The following IL17RD variants were observed in gnomAD, a reference collection of about 807,000 sequenced individuals.
IL17RD encodes interleukin-17 receptor D.
In IL17RD, 52 loss-of-function variants were observed where a neutral mutation model predicts 80.5. The ratio of observed to expected loss-of-function variants is 0.65; its 90% CI spans 0.52 to 0.81. The LOEUF (loss-of-function observed/expected upper bound fraction) is 0.81. Among genes scored for constraint, IL17RD ranks in the 40% least tolerant of loss-of-function variants. IL17RD has a pLI of 0.00. For synonymous variants in IL17RD, 416 were observed against 391.8 expected, an observed-to-expected ratio of 1.06 and a Z score of -0.73; for missense variants, 1,024 against 955.1, an observed-to-expected ratio of 1.07 and a Z score of -0.95.
At chr3:57,131,961 G>A (rs936964595) in intron 1 of IL17RD, among the ~76,000 whole-genome samples, 4 of 152,238 alleles carry the variant, frequency 2.6e-5, no homozygotes, top group Admixed American at 6.5e-5. Context: ...GGAGGCCAGC[G>A]GATTGCTTGA....
intron 12 of IL17RD, among the ~76,000 whole-genome samples, chr3:57,097,231 G>A (rs1706698521): frequency 6.6e-6 from 1 of 152,138 alleles, no homozygotes; most frequent in East Asian, 1.9e-4. Context: ...CGGGGGGTGT[G>A]AACATTACAG....
In IL17RD at chr3:57,094,556, G is replaced by A. The variant is rs1306362393; in HGVS notation, c.*1837C>T. ...GATGCCTTATTTCATGAACAAAGCT[G>A]AATACCCTAAAAGCGACTCCTAATG... On this transcript the variant is annotated 3_prime_UTR_variant, in exon 13 of 13. Transcript: ENST00000296318. 1 of 152,030 alleles carries A rather than the reference G, an allele frequency of 6.6e-6. No individual in the cohort carries two copies. The highest frequency in any genetic ancestry group is 1.5e-5 in the Non-Finnish European group (1 of 68,024). 9.4% of individuals were successfully genotyped at this position (152,030 alleles called of 1,614,324 possible).
chr3:57,160,552 T>G (rs368108548), intron 1 of IL17RD, among the ~76,000 whole-genome samples: 1 of 151,998 alleles, frequency 6.6e-6, no homozygotes, highest in Non-Finnish European at 1.5e-5. Context: ...GAGGCACCCA[T>G]CCAAACTAGC....
chr3:57,139,239 A>T (rs1707785773), intron 1 of IL17RD, among the ~76,000 whole-genome samples: 1 of 152,180 alleles, frequency 6.6e-6, no homozygotes, highest in African/African-American at 2.4e-5. Flanking sequence ...TAGGGCACGC[A>T]TGGAGGAAAA....
chr3:57,165,198 G>C lies in IL17RD; in HGVS notation c.89C>G (p.Ser30Cys). Residue 30 changes from serine (S) to cysteine (C), a missense_variant, in exon 1 of 13, where the codon TCC becomes TGC. By Grantham distance (112) the Ser-to-Cys change is moderately radical (BLOSUM62 -1). Transcript: ENST00000296318. ...GGTGTCGGCGCCCCGCGCGCGGCCG[G>C]ACCCGCCAGCGGCCACAGCCAGCTG... ...GSQLAVAAGG[S>C]GRARGADTCG... 1.3e-6 allele frequency: 2 copies of C among 1,528,862 alleles called. No homozygotes were observed. Among genetic ancestry groups the C allele is most frequent in the Non-Finnish European group, 1.8e-6 (2 of 1,139,070 alleles). 94.7% of individuals were successfully genotyped at this position (1,528,862 alleles called of 1,614,324 possible).
intron 1 of IL17RD, among the ~76,000 whole-genome samples, chr3:57,158,625 A>G (rs2060284011): frequency 6.6e-6 from 1 of 152,202 alleles, no homozygotes; most frequent in Non-Finnish European, 1.5e-5. Context: ...ACAAGGAACC[A>G]AAGAAAAGGG....
chr3:57,127,874 C>T (rs1182306593), intron 1 of IL17RD, among the ~76,000 whole-genome samples: 4 of 152,168 alleles, frequency 2.6e-5, no homozygotes, highest in African/African-American at 9.7e-5. Flanking sequence ...TGACTCCATG[C>T]CAGTTCAGAT....
intron 1 of IL17RD, among the ~76,000 whole-genome samples, chr3:57,152,519 C>A (rs1012306879): frequency 1.3e-5 from 2 of 152,198 alleles, no homozygotes; most frequent in Non-Finnish European, 2.9e-5. Flanking sequence ...CCTGCGCCCT[C>A]GTAGTCTCTC....
At chr3:57,162,816 A>T (rs2060314614) in intron 1 of IL17RD, among the ~76,000 whole-genome samples, 1 of 152,204 alleles carries the variant, frequency 6.6e-6, no homozygotes, top group South Asian at 2.1e-4. Context: ...ACTAGTCTGA[A>T]GACATAGAAG....
rs116440826 is a variant in IL17RD, at chr3:57,124,364, C to T, written c.127-4051G>A. 7.3e-3 allele frequency among the ~76,000 whole-genome samples: 1,113 copies of T among 152,232 alleles called. 6 individuals are homozygous for T. Among genetic ancestry groups the T allele is most frequent in the Non-Finnish European group, 0.011 (755 of 68,022 alleles). ...TGGAGATGTAATTAAGTTCAAGTAT[C>T]CTGAGATGGGGAGAGTATTCTGGGT... On this transcript the variant is annotated intron_variant, in intron 1 of 12. Coordinates refer to ENST00000296318, the MANE Select transcript of IL17RD (RefSeq NM_017563.5).
At position 57,094,315 on chromosome 3, in the gene IL17RD, A is replaced by G. The variant is rs1218251207; in HGVS notation, c.*2078T>C. 1 of 152,200 alleles carries G rather than the reference A, an allele frequency of 6.6e-6. No homozygotes were observed. The highest frequency in any genetic ancestry group is 2.4e-5 in the African/African-American group (1 of 41,448). The allele number at this position is 152,200 out of a possible 1,614,324, so 9.4% of individuals were successfully genotyped here. On this transcript the variant is annotated 3_prime_UTR_variant, in exon 13 of 13. Coordinates refer to ENST00000296318, the MANE Select transcript of IL17RD (RefSeq NM_017563.5). ...CATTACTCGGTATATTAAGAGTTTG[A>G]TTTTATTGATCAGAAACATTAGTAT...
In IL17RD at chr3:57,095,822, GTATAT is replaced by G. The variant is rs1194922722; in HGVS notation, c.*566_*570del. 6.5e-6 allele frequency: 1 copy of G among 153,892 alleles called. No individual in the cohort carries two copies. Among genetic ancestry groups the G allele is most frequent in the African/African-American group, 2.4e-5 (1 of 41,436 alleles). The allele number at this position is 153,892 out of a possible 1,614,324, so 9.5% of individuals were successfully genotyped here. ...GAGACTCATTTCATAAAAGGTGACT[GTATAT>G]TCAGTCACTTTCTTGACTTTTGACT... On this transcript the variant is annotated 3_prime_UTR_variant, in exon 13 of 13. Coordinates refer to ENST00000296318, the MANE Select transcript of IL17RD (RefSeq NM_017563.5).
At chr3:57,122,447 TG>T (rs1707360965) in intron 1 of IL17RD, among the ~76,000 whole-genome samples, 1 of 152,174 alleles carries the variant, frequency 6.6e-6, no homozygotes, top group African/African-American at 2.4e-5. Context: ...AGGTGGGCAG[TG>T]GGAGAGCATT....
At chr3:57,143,535 T>C (rs979950753) in intron 1 of IL17RD, among the ~76,000 whole-genome samples, 4 of 152,168 alleles carry the variant, frequency 2.6e-5, no homozygotes, top group African/African-American at 9.6e-5. Flanking sequence ...CTATCAGAAG[T>C]AGGCAGGAGG....
intron 1 of IL17RD, among the ~76,000 whole-genome samples, chr3:57,146,086 CAT>C (rs1159480808): frequency 4.6e-5 from 7 of 152,296 alleles, no homozygotes; most frequent in African/African-American, 1.4e-4. Context: ...CACACACACA[CAT>C]ACAAAGGAAC....
intron 1 of IL17RD, chr3:57,142,424 T>C: frequency 1.2e-6 from 1 of 824,836 alleles, no homozygotes. Flanking sequence ...TTGAAACACT[T>C]ATTGGTTTTT....
chr3:57,101,391 T>C (rs1196091074), intron 10 of IL17RD, 28 bp from the exon 11 acceptor site: 1 of 1,438,006 alleles, frequency 7.0e-7, no homozygotes, highest in Admixed American at 1.9e-5. Context: ...ATAAGGTTGA[T>C]ACTTGCAAGC....
At position 57,095,821 on chromosome 3, in the gene IL17RD, T is replaced by C. The variant is rs1267760138; in HGVS notation, c.*572A>G. ...AGAGACTCATTTCATAAAAGGTGAC[T>C]GTATATTCAGTCACTTTCTTGACTT... On this transcript the variant is annotated 3_prime_UTR_variant, in exon 13 of 13. Coordinates refer to ENST00000296318, the MANE Select transcript of IL17RD (RefSeq NM_017563.5). 6.5e-6 allele frequency: 1 copy of C among 153,678 alleles called. No individual in the cohort carries two copies. The highest frequency in any genetic ancestry group is 1.4e-5 in the Non-Finnish European group (1 of 69,016). 9.5% of individuals were successfully genotyped at this position (153,678 alleles called of 1,614,324 possible).
rs565198440 is a variant in IL17RD, at chr3:57,090,201, C to G, written c.*6192G>C. 6.6e-6 allele frequency: 1 copy of G among 152,596 alleles called. No homozygotes were observed. Among genetic ancestry groups the G allele is most frequent in the Non-Finnish European group, 1.5e-5 (1 of 68,048 alleles). The allele number at this position is 152,596 out of a possible 1,614,324, so 9.5% of individuals were successfully genotyped here. On this transcript the variant is annotated 3_prime_UTR_variant, in exon 13 of 13. Transcript: ENST00000296318. ...AAACTCAAAGATGAAACAAAGGCAA[C>G]GCCATCAATAACCACCATATTCCAC...
Sources: gnomAD v4.1 joint callset for allele counts (sites outside exome capture counted in the v4.1 genomes callset) on GRCh38, gnomAD v4.1.1 for gene constraint, MANE v1.5 for transcripts, NCBI Gene and HGNC (gene_info 2026-07-23, HGNC 2026-07-21) for gene names.